Variants in CNST observed in about 807,000 individuals in gnomAD.
CNST encodes the protein consortin, connexin sorting protein, also known as consortin.
A neutral mutation model predicts 72.4 loss-of-function variants in CNST; 39 were observed. The observed-to-expected ratio is 0.54, with a 90% CI of 0.42 to 0.70. CNST has a LOEUF of 0.70. Ranked by LOEUF, CNST falls within the 30% of genes least tolerant of loss-of-function variation. The probability of loss-of-function intolerance (pLI) is 0.00; values close to 1 mark genes in which losing one functional copy is unlikely to be tolerated. For missense variants in CNST, 871 were observed against 868.5 expected (o/e 1.00, Z -0.04); for synonymous variants, 332 against 320.1 (o/e 1.04, Z -0.40).
chr1:246,649,139 ATTCTC>A (rs1346428671), intron 9 of CNST, among the ~76,000 whole-genome samples: 1 of 148,006 alleles, frequency 6.8e-6, no homozygotes, highest in African/African-American at 2.5e-5. Flanking sequence ...TTTGCAGTTA[ATTCTC>A]TACAGACTGT....
intron 1 of CNST, among the ~76,000 whole-genome samples, chr1:246,586,706 G>A (rs1190984731): frequency 6.6e-6 from 1 of 152,076 alleles, no homozygotes; most frequent in Non-Finnish European, 1.5e-5. Flanking sequence ...TGAAGAAATG[G>A]ACTCATAACA....
chr1:246,576,248 A>AGATTTCAGTGCTC (rs1164963276), intron 1 of CNST, among the ~76,000 whole-genome samples: 29 of 122,596 alleles, frequency 2.4e-4, no homozygotes, highest in African/African-American at 8.7e-4. Flanking sequence ...AAAAAAAAAA[A>AGATTTCAGTGCTC]AAAAAGAAAC....
chr1:246,652,207 G>GAGTT (rs938597384), intron 9 of CNST, among the ~76,000 whole-genome samples: 1 of 152,188 alleles, frequency 6.6e-6, no homozygotes, highest in African/African-American at 2.4e-5. Context: ...GAACCTGGAA[G>GAGTT]AGTTGCATTA....
At chr1:246,645,573 G>T (rs530189138) in intron 8 of CNST, among the ~76,000 whole-genome samples, 14 of 151,630 alleles carry the variant, frequency 9.2e-5, no homozygotes, top group African/African-American at 3.1e-4. Flanking sequence ...GACTACAGGC[G>T]CCCGCCACCG....
intron 2 of CNST, among the ~76,000 whole-genome samples, chr1:246,611,147 G>A (rs993467175): frequency 6.6e-6 from 1 of 152,144 alleles, no homozygotes; most frequent in African/African-American, 2.4e-5. Flanking sequence ...AGCAAGTACT[G>A]GGGTGCCACA....
At chr1:246,665,500 C>A (rs559214092) in intron 10 of CNST, among the ~76,000 whole-genome samples, 200 bp from the exon 11 acceptor site, 2 of 152,256 alleles carry the variant, frequency 1.3e-5, no homozygotes, top group Non-Finnish European at 2.9e-5. Flanking sequence ...CTTGTACAAG[C>A]TCCACAAGTC....
At position 246,568,849 on chromosome 1, in the gene CNST, G is replaced by A. The variant is rs868281355; in HGVS notation, c.-52+2186G>A. On this transcript the variant is annotated intron_variant, in intron 1 of 10. Transcript: ENST00000366513. ...CTCTCAAAGTGCTGGGATTACAGGC[G>A]TGAGCCACCACGCCTTTAAAATACT... Among the ~76,000 whole-genome samples the A allele has an allele frequency of 3.3e-5, 5 of 152,150 alleles. No homozygotes were observed. In the South Asian group the frequency reaches 8.3e-4, roughly 25 times the overall value.
intron 4 of CNST, among the ~76,000 whole-genome samples, chr1:246,633,354 C>A (rs931690773): frequency 4.0e-5 from 6 of 151,792 alleles, no homozygotes; most frequent in East Asian, 3.9e-4. Context: ...GAGGCTGAGG[C>A]AGGAGAATCA....
chr1:246,667,899 C>T lies in CNST; in HGVS notation c.*1994C>T, dbSNP rs1348807756. On this transcript the variant is annotated 3_prime_UTR_variant, in exon 11 of 11. Transcript: ENST00000366513. ...TGTAACCTCTGGTGTAGTATTTGCC[C>T]ATAGGCAACCAGAGCCACTTCCTCT... The T allele has an allele frequency of 6.6e-6, 1 of 152,172 alleles. No individual in the cohort carries two copies. The allele number at this position is 152,172 out of a possible 1,614,324, so 9.4% of individuals were successfully genotyped here.
intron 6 of CNST, among the ~76,000 whole-genome samples, chr1:246,640,461 A>C (rs938774561): frequency 2.0e-5 from 3 of 152,080 alleles, no homozygotes; most frequent in African/African-American, 7.2e-5. Context: ...TTTTAAACTA[A>C]TAATAATAAT....
In CNST at chr1:246,665,793, T is replaced by G; in HGVS notation, c.2066T>G (p.Phe689Cys). ...SVGGTALYCT[F>C]GDMESPVCTD... is the part of the protein sequence containing the mutation. ...GGAGGAACTGCATTATACTGCACTT[T>G]CGGTGACATGGAGTCACCTGTTTGT... Residue 689 changes from phenylalanine (F) to cysteine (C), a missense_variant, in exon 11 of 11, where the codon TTC becomes TGC. Transcript: ENST00000366513. The G allele has an allele frequency of 1.2e-6, 2 of 1,613,780 alleles. No individual in the cohort carries two copies. Among genetic ancestry groups the G allele is most frequent in the East Asian group, 4.5e-5 (2 of 44,896 alleles).
rs545140242 is a variant in CNST at position 246,636,420 on chromosome 1, A to ACTC, written c.818+1836_818+1838dup. 4.4e-4 allele frequency among the ~76,000 whole-genome samples: 67 copies of ACTC among 151,752 alleles called. 1 individual carries two copies. The East Asian group carries it at 0.012, about 28-fold the overall frequency. On this transcript the variant is annotated intron_variant, in intron 6 of 10. Transcript: ENST00000366513. Reference sequence around the variant, plus strand: ...CTATCCCATGCCACGGCCACTGTTCACTCCTGCGGGCTCCCCCGCATACCC... The same window carrying ACTC: ...CTATCCCATGCCACGGCCACTGTTCACTCCTCCTGCGGGCTCCCCCGCATACCC...
chr1:246,665,662 C>T (rs780825240), intron 10 of CNST, 38 bp from the exon 11 acceptor site: 6 of 1,535,404 alleles, frequency 3.9e-6, no homozygotes, highest in African/African-American at 2.7e-5. Flanking sequence ...ATTTCCATTT[C>T]GGTGACAATG....
chr1:246,609,675 G>C (rs1360589996), intron 2 of CNST, among the ~76,000 whole-genome samples: 1 of 152,198 alleles, frequency 6.6e-6, no homozygotes, highest in Non-Finnish European at 1.5e-5. Flanking sequence ...AAAGGGAGCA[G>C]GGCAGAGAGA....
intron 6 of CNST, among the ~76,000 whole-genome samples, chr1:246,639,915 T>C (rs68013470): frequency 0.28 from 41,832 of 151,702 alleles, 6,396 homozygotes; most frequent in East Asian, 0.66. Flanking sequence ...AACTGCTATG[T>C]GGTACCCGGA....
At position 246,615,364 on chromosome 1, in the gene CNST, T is replaced by A. The variant is rs1284339634; in HGVS notation, c.380-6065T>A. Among the ~76,000 whole-genome samples the A allele has an allele frequency of 3.3e-5, 5 of 151,360 alleles. No individual in the cohort carries two copies. The East Asian group carries it at 7.9e-4, about 24-fold the overall frequency. On this transcript the variant is annotated intron_variant, in intron 2 of 10. Coordinates refer to ENST00000366513, the MANE Select transcript of CNST (RefSeq NM_152609.3). ...CTAATTTTTTGTATTTTTAGTAGAG[T>A]CGGGGTTTCACCGTGTTAGCCAGGA...
At chr1:246,600,176 G>A (rs1202895782) in intron 2 of CNST, among the ~76,000 whole-genome samples, 2 of 152,204 alleles carry the variant, frequency 1.3e-5, no homozygotes, top group Non-Finnish European at 2.9e-5. Flanking sequence ...CAAGAAGAGA[G>A]CATCCTACAT....
At chr1:246,573,221 T>G (rs1660176042) in intron 1 of CNST, among the ~76,000 whole-genome samples, 1 of 152,230 alleles carries the variant, frequency 6.6e-6, no homozygotes, top group Non-Finnish European at 1.5e-5. Context: ...GGCATGCCAG[T>G]TAGAGTTATA....
At chr1:246,639,347 G>A (rs1665528575) in intron 6 of CNST, among the ~76,000 whole-genome samples, 1 of 152,104 alleles carries the variant, frequency 6.6e-6, no homozygotes. Context: ...GGTTTGGCAA[G>A]TAGAGCAAAG....
Sources: allele counts gnomAD v4.1 joint callset (sites outside exome capture counted in the v4.1 genomes callset), GRCh38; gene constraint gnomAD v4.1.1; transcripts MANE v1.5; gene names NCBI Gene and HGNC (gene_info 2026-07-23, HGNC 2026-07-21).